The following PDZD8 variants were observed in gnomAD, a reference collection of about 807,000 sequenced individuals.
PDZD8 encodes the protein PDZ domain-containing protein 8.
In PDZD8, 14 loss-of-function variants were observed where a neutral mutation model predicts 85.8. The observed-to-expected ratio is 0.16, with a 90% confidence interval of 0.11 to 0.26. PDZD8 has a LOEUF of 0.26. PDZD8 is among the 10% of genes least tolerant of loss of function. PDZD8 has a pLI of 1.00. For synonymous variants in PDZD8, 592 were observed against 568.6 expected, an observed-to-expected ratio of 1.04 and a Z score of -0.59; for missense variants, 1,197 against 1,424.3, an observed-to-expected ratio of 0.84 and a Z score of 2.57.
At chr10:117,309,634 A>G (rs1234598624) in intron 3 of PDZD8, among the ~76,000 whole-genome samples, 1 of 152,074 alleles carries the variant, frequency 6.6e-6, no homozygotes, top group Non-Finnish European at 1.5e-5. Flanking sequence ...CCACCTTTCT[A>G]GTTCAGACTT....
rs1205919598 is a variant in PDZD8 at position 117,281,594 on chromosome 10, T to C, written c.*1674A>G. 1.3e-5 allele frequency: 2 copies of C among 152,206 alleles called. No homozygotes were observed. The highest frequency in any genetic ancestry group is 2.4e-5 in the African/African-American group (1 of 41,442). The allele number at this position is 152,206 out of a possible 1,614,324, so 9.4% of individuals were successfully genotyped here. A position where few individuals can be genotyped will look rare whatever the true frequency, so the allele number is the denominator to read the frequency against. On this transcript the variant is annotated 3_prime_UTR_variant, in exon 5 of 5. Coordinates refer to ENST00000334464, the MANE Select transcript of PDZD8 (RefSeq NM_173791.5). ...ATATAAATAATGCCTTTTACTTGTA[T>C]ATCTTTTTACTGTTCAAAGCACTTT... is the stretch of plus-strand genomic sequence containing the variant.
intron 2 of PDZD8, among the ~76,000 whole-genome samples, chr10:117,325,297 G>A (rs959388161): frequency 1.1e-4 from 17 of 151,850 alleles, no homozygotes; most frequent in African/African-American, 4.1e-4. Context: ...AGTACTATAG[G>A]TGACGTTTAA....
intron 3 of PDZD8, among the ~76,000 whole-genome samples, chr10:117,293,538 TG>T (rs896137330): frequency 6.6e-6 from 1 of 152,100 alleles, no homozygotes; most frequent in African/African-American, 2.4e-5. Context: ...ATCAACTCAG[TG>T]GTAGACCATA....
At chr10:117,345,041 CAG>C (rs1388995951) in intron 1 of PDZD8, among the ~76,000 whole-genome samples, 1 of 152,218 alleles carries the variant, frequency 6.6e-6, no homozygotes, top group African/African-American at 2.4e-5. Context: ...TGGTATCACC[CAG>C]AGAGAAGCCT....
chr10:117,373,592 T>G (rs1382835466), intron 1 of PDZD8, among the ~76,000 whole-genome samples: 2 of 95,216 alleles, frequency 2.1e-5, no homozygotes, highest in African/African-American at 9.4e-5. Context: ...ACTCCGTCTC[T>G]ACTAAAAAAT....
At chr10:117,370,794 A>G (rs1845175333) in intron 1 of PDZD8, among the ~76,000 whole-genome samples, 1 of 152,010 alleles carries the variant, frequency 6.6e-6, no homozygotes, top group Admixed American at 6.6e-5. Flanking sequence ...AATTTAAGAA[A>G]AAAAAATCAG....
At position 117,283,496 on chromosome 10, in the gene PDZD8, T is replaced by C; in HGVS notation, c.3237A>G (p.Lys1079=). 1 of 1,614,224 alleles carries C rather than the reference T, an allele frequency of 6.2e-7. No homozygotes were observed. Among genetic ancestry groups the C allele is most frequent in the Non-Finnish European group, 8.5e-7 (1 of 1,180,014 alleles). ...TTAGAGCTTGTAGCCTTTCACCTGATTTAGCTAAGGCAGCAGAAAGAAGTG... is the reference window on the plus strand; with the variant it reads ...TTAGAGCTTGTAGCCTTTCACCTGACTTAGCTAAGGCAGCAGAAAGAAGTG... The part of the protein sequence containing the change: ...KKSLLSAALA[K]SGERLQALTL... The change falls in exon 5 of 5, where the codon AAA becomes AAG. Residue 1079 remains lysine, a synonymous_variant. Coordinates refer to ENST00000334464, the MANE Select transcript of PDZD8 (RefSeq NM_173791.5).
chr10:117,304,482 CTT>C (rs1304027203), intron 3 of PDZD8, among the ~76,000 whole-genome samples: 2 of 152,006 alleles, frequency 1.3e-5, no homozygotes, highest in African/African-American at 4.8e-5. Context: ...TGAGTTAAGA[CTT>C]TTTGGGGACT....
intron 2 of PDZD8, among the ~76,000 whole-genome samples, chr10:117,319,232 G>C (rs1329767432): frequency 6.6e-6 from 1 of 151,972 alleles, no homozygotes; most frequent in African/African-American, 2.4e-5. Context: ...CTACTCATTA[G>C]GTAAAGAAAT....
chr10:117,305,372 C>A (rs1207264682), intron 3 of PDZD8, among the ~76,000 whole-genome samples: 1 of 151,790 alleles, frequency 6.6e-6, no homozygotes, highest in African/African-American at 2.4e-5. Flanking sequence ...GAGATTGCAC[C>A]ACTGCACTCC....
chr10:117,332,415 TA>T (rs1191725519), intron 2 of PDZD8, among the ~76,000 whole-genome samples: 2 of 151,480 alleles, frequency 1.3e-5, no homozygotes, highest in African/African-American at 4.8e-5. Context: ...TGCCCTGCCC[TA>T]AAAAATGTTA....
At chr10:117,327,152 T>C (rs2133823080) in intron 2 of PDZD8, among the ~76,000 whole-genome samples, 1 of 152,322 alleles carries the variant, frequency 6.6e-6, no homozygotes, top group Non-Finnish European at 1.5e-5. Context: ...ATGAGGACCC[T>C]GTAATCCATG....
intron 2 of PDZD8, among the ~76,000 whole-genome samples, chr10:117,338,119 TTC>T (rs139257731): frequency 0.043 from 6,572 of 152,292 alleles, 160 homozygotes; most frequent in East Asian, 0.067. Flanking sequence ...GAACAGAGTT[TTC>T]TGTTTTTATA....
At chr10:117,294,301 C>T (rs1843715923) in intron 3 of PDZD8, among the ~76,000 whole-genome samples, 1 of 138,538 alleles carries the variant, frequency 7.2e-6, no homozygotes, top group African/African-American at 2.9e-5. Flanking sequence ...CACATATTAC[C>T]AAATAAATGG....
intron 1 of PDZD8, among the ~76,000 whole-genome samples, chr10:117,366,026 A>G (rs1346483429): frequency 6.6e-6 from 1 of 152,070 alleles, no homozygotes; most frequent in Admixed American, 6.5e-5. Context: ...AGCCTGCTAT[A>G]TGAAATCTTA....
intron 2 of PDZD8, among the ~76,000 whole-genome samples, chr10:117,320,583 A>G (rs1844211831): frequency 6.6e-6 from 1 of 152,152 alleles, no homozygotes; most frequent in African/African-American, 2.4e-5. Flanking sequence ...CTAAAACTAT[A>G]AAATCCTTAG....
chr10:117,321,361 A>G (rs1844222528), intron 2 of PDZD8, among the ~76,000 whole-genome samples: 1 of 152,180 alleles, frequency 6.6e-6, no homozygotes, highest in South Asian at 2.1e-4. Context: ...GAACCTTGAA[A>G]AACTTCTAAG....
chr10:117,341,054 ATCT>A lies in PDZD8; in HGVS notation c.918_920del (p.Glu306del). 6.2e-7 allele frequency: 1 copy of A among 1,613,774 alleles called. No individual in the cohort carries two copies. The highest frequency in any genetic ancestry group is 2.2e-5 in the East Asian group (1 of 44,874). The stretch of plus-strand genomic sequence containing the variant: ...ATTGTTGTATATGGATATGCTCTTC[ATCT>A]TCTTCAAATCCTTGCAAGGTCTGGT... On this transcript the variant is annotated inframe_deletion, in exon 2 of 5. Coordinates refer to ENST00000334464, the MANE Select transcript of PDZD8 (RefSeq NM_173791.5).
intron 3 of PDZD8, among the ~76,000 whole-genome samples, chr10:117,305,889 G>C (rs1199446279): frequency 6.6e-6 from 1 of 152,086 alleles, no homozygotes; most frequent in Non-Finnish European, 1.5e-5. Context: ...TTGAGTTTTG[G>C]CTCTAACATT....
Sources: allele counts gnomAD v4.1 joint callset (sites outside exome capture counted in the v4.1 genomes callset), GRCh38; gene constraint gnomAD v4.1.1; transcripts MANE v1.5; gene names NCBI Gene and HGNC (gene_info 2026-07-23, HGNC 2026-07-21).